Variants in PLCL2 observed in about 807,000 individuals in gnomAD.
PLCL2 encodes phospholipase C like 2, also known as inactive phospholipase C-like protein 2.
In PLCL2, 4 loss-of-function variants were observed where a neutral mutation model predicts 79.6. The ratio of observed to expected loss-of-function variants is 0.05; its 90% CI spans 0.02 to 0.11. PLCL2 has a LOEUF of 0.11. Ranked by LOEUF, PLCL2 falls within the 10% of genes least tolerant of loss-of-function variation. The pLI is 1.00. For missense variants in PLCL2, 895 were observed against 1,291.0 expected (o/e 0.69, Z 4.70); for synonymous variants, 484 against 457.7 (o/e 1.06, Z -0.73).
At chr3:16,986,974 A>G (rs894325629) in intron 1 of PLCL2, among the ~76,000 whole-genome samples, 2 of 151,738 alleles carry the variant, frequency 1.3e-5, no homozygotes, top group Admixed American at 1.3e-4. Flanking sequence ...TTTGATATAG[A>G]AAGCTATGTA....
In PLCL2 at chr3:16,886,179, C is replaced by A. The variant is rs139179375; in HGVS notation, c.327+813C>A. 1.2e-3 allele frequency among the ~76,000 whole-genome samples: 178 copies of A among 151,928 alleles called. No individual in the cohort carries two copies. The highest frequency in any genetic ancestry group is 4.0e-3 in the African/African-American group (166 of 41,396). ...CATTCTAATGTTACATTTTGGTTCGCAATGTAAAAATATTTTTCATGACAT... is the reference window on the plus strand; with the variant it reads ...CATTCTAATGTTACATTTTGGTTCGAAATGTAAAAATATTTTTCATGACAT... On this transcript the variant is annotated intron_variant, in intron 1 of 5. Transcript: ENST00000615277. This position sits in a 1 kb window ranked among gnomAD's most constrained non-coding sequence, Gnocchi z 4.2.
At chr3:16,997,080 A>G (rs1047760522) in intron 1 of PLCL2, among the ~76,000 whole-genome samples, 1 of 152,286 alleles carries the variant, frequency 6.6e-6, no homozygotes, top group Non-Finnish European at 1.5e-5. Flanking sequence ...TTACATAAAC[A>G]GTTATTTTGA....
At chr3:16,926,821 C>T (rs1575532661) in intron 1 of PLCL2, among the ~76,000 whole-genome samples, 2 of 151,918 alleles carry the variant, frequency 1.3e-5, no homozygotes, top group African/African-American at 4.8e-5. Context: ...TTAGTAGAGA[C>T]GGTTTCACTG....
intron 4 of PLCL2, among the ~76,000 whole-genome samples, chr3:17,051,362 T>C: frequency 6.6e-6 from 1 of 152,132 alleles, no homozygotes; most frequent in Non-Finnish European, 1.5e-5. Context: ...AGATATTCCA[T>C]TTTCCATTAT....
At chr3:17,076,358 T>C (rs1406244825) in intron 5 of PLCL2, among the ~76,000 whole-genome samples, 3 of 152,038 alleles carry the variant, frequency 2.0e-5, no homozygotes, top group Non-Finnish European at 4.4e-5. Flanking sequence ...TTGGAAACTT[T>C]TTGGTGATTA....
At position 16,886,817 on chromosome 3, in the gene PLCL2, A is replaced by G. The variant is rs965499936; in HGVS notation, c.327+1451A>G. ...AATCCTATTGACAGAGTTAGGTGAC[A>G]TTTCTGTTTTTATTTGTCATAAAAT... is the stretch of plus-strand genomic sequence containing the variant. On this transcript the variant is annotated intron_variant, in intron 1 of 5. Transcript: ENST00000615277. This position sits in a 1 kb window ranked among gnomAD's most constrained non-coding sequence, Gnocchi z 4.2. 1.3e-5 allele frequency among the ~76,000 whole-genome samples: 2 copies of G among 152,200 alleles called. No homozygotes were observed. Among genetic ancestry groups the G allele is most frequent in the African/African-American group, 4.8e-5 (2 of 41,460 alleles).
intron 1 of PLCL2, among the ~76,000 whole-genome samples, chr3:16,899,842 C>T (rs921253872): frequency 7.9e-5 from 12 of 151,106 alleles, no homozygotes; most frequent in Non-Finnish European, 1.8e-4. Flanking sequence ...CGCCGCCCCC[C>T]GTCAAAACAC....
chr3:17,048,577 G>A (rs1371167397), intron 4 of PLCL2, among the ~76,000 whole-genome samples: 1 of 152,158 alleles, frequency 6.6e-6, no homozygotes, highest in Non-Finnish European at 1.5e-5. Context: ...TAAGAAAAAT[G>A]TAAACAATGT....
At chr3:16,889,138 C>G (rs1377295116) in intron 1 of PLCL2, among the ~76,000 whole-genome samples, 2 of 152,270 alleles carry the variant, frequency 1.3e-5, no homozygotes, top group East Asian at 3.9e-4. Flanking sequence ...TAAACACTCA[C>G]TGCATGCAAA....
In PLCL2 at chr3:17,090,106, C is replaced by T. The variant is rs2124962212; in HGVS notation, c.*194C>T. 1 of 1,295,264 alleles carries T rather than the reference C, an allele frequency of 7.7e-7. No individual in the cohort carries two copies. The highest frequency in any genetic ancestry group is 3.7e-5 in the Admixed American group (1 of 27,214). 80.2% of individuals were successfully genotyped at this position (1,295,264 alleles called of 1,614,324 possible). ...GTGTGAAGGCAAATAAACTCTTTAA[C>T]AGGCAATTATATTGCTGGCCAAAAT... On this transcript the variant is annotated 3_prime_UTR_variant, in exon 6 of 6. Transcript: ENST00000615277.
At chr3:16,947,320 A>G (rs951083644) in intron 1 of PLCL2, among the ~76,000 whole-genome samples, 7 of 152,208 alleles carry the variant, frequency 4.6e-5, no homozygotes, top group African/African-American at 1.7e-4. Flanking sequence ...AGAGCAGTAA[A>G]TAAAGATTTT....
At chr3:16,986,462 CATG>C (rs943495562) in intron 1 of PLCL2, among the ~76,000 whole-genome samples, 3 of 152,084 alleles carry the variant, frequency 2.0e-5, no homozygotes, top group Non-Finnish European at 4.4e-5. Context: ...AATGCAGTGG[CATG>C]ATATCGGCTC....
chr3:17,035,713 TTA>T, intron 3 of PLCL2: 1 of 504,948 alleles, frequency 2.0e-6, no homozygotes, highest in South Asian at 1.4e-5. Context: ...GTGTAGAAGT[TTA>T]TATCTTATCC....
intron 1 of PLCL2, among the ~76,000 whole-genome samples, chr3:16,902,318 C>T (rs569519130): frequency 3.3e-5 from 5 of 152,106 alleles, no homozygotes; most frequent in Non-Finnish European, 7.4e-5. Flanking sequence ...TAAGAGAGTG[C>T]ATTTACCTTT....
chr3:17,059,378 CAAAAA>C (rs57060253), intron 4 of PLCL2, among the ~76,000 whole-genome samples: 2 of 111,954 alleles, frequency 1.8e-5, no homozygotes, highest in Admixed American at 9.2e-5. Context: ...GAATCTGTCT[CAAAAA>C]AAAAAAAAAA....
At chr3:17,030,119 G>A (rs1377841630) in intron 3 of PLCL2, among the ~76,000 whole-genome samples, 2 of 152,032 alleles carry the variant, frequency 1.3e-5, no homozygotes, top group African/African-American at 2.4e-5. Context: ...AAGAAATGGG[G>A]TCTCGCTATG....
At chr3:16,943,344 T>C (rs2063569555) in intron 1 of PLCL2, among the ~76,000 whole-genome samples, 1 of 152,226 alleles carries the variant, frequency 6.6e-6, no homozygotes, top group African/African-American at 2.4e-5. Context: ...TGAGTGTTGC[T>C]TTAGGTATAG....
At chr3:16,964,830 G>T (rs1446855607) in intron 1 of PLCL2, among the ~76,000 whole-genome samples, 1 of 152,138 alleles carries the variant, frequency 6.6e-6, no homozygotes, top group Non-Finnish European at 1.5e-5. Context: ...TTTGAGAAGT[G>T]TCTGTTCATG....
At chr3:17,030,438 C>T (rs1401112540) in intron 3 of PLCL2, among the ~76,000 whole-genome samples, 6 of 152,140 alleles carry the variant, frequency 3.9e-5, no homozygotes. Context: ...CTCCATATTC[C>T]AGAGCAGCAT....
Sources: allele counts gnomAD v4.1 joint callset (sites outside exome capture counted in the v4.1 genomes callset), GRCh38; gene constraint gnomAD v4.1.1; non-coding constraint Gnocchi (gnomAD v3.1); transcripts MANE v1.5; gene names NCBI Gene and HGNC (gene_info 2026-07-23, HGNC 2026-07-21).